The following CFAP251 variants were observed in gnomAD, a reference collection of about 807,000 sequenced individuals.
CFAP251 encodes cilia- and flagella-associated protein 251.
Under a neutral mutation model 126.7 loss-of-function variants are expected in CFAP251, and 93 were observed. The observed-to-expected ratio is 0.73, with a 90% CI of 0.62 to 0.87. CFAP251 has a LOEUF of 0.87. Ranked by LOEUF, CFAP251 falls within the 40% of genes least tolerant of loss-of-function variation. CFAP251 has a pLI of 0.00. For missense variants in CFAP251, 1,287 were observed against 1,389.2 expected (o/e 0.93, Z 1.17); for synonymous variants, 503 against 506.9 (o/e 0.99, Z 0.10).
intron 19 of CFAP251, among the ~76,000 whole-genome samples, chr12:121,978,022 T>C (rs906787963): frequency 6.6e-5 from 10 of 151,486 alleles, no homozygotes; most frequent in African/African-American, 1.9e-4. Flanking sequence ...AAAAAACTAA[T>C]TGATACCACA....
At chr12:121,932,640 A>C (rs1007199384) in intron 4 of CFAP251, 1 of 152,194 alleles carries the variant, frequency 6.6e-6, no homozygotes, top group South Asian at 2.1e-4. Flanking sequence ...TCACCCTTTC[A>C]GTTGACGTGT....
intron 17 of CFAP251, chr12:121,968,926 G>A (rs1015472708): frequency 2.0e-6 from 2 of 985,302 alleles, no homozygotes; most frequent in African/African-American, 3.5e-5. Context: ...TAATAAAGAG[G>A]GGACAAGCAC....
In CFAP251 at chr12:121,992,602, C is replaced by T. The variant is rs938526414; in HGVS notation, c.3007-7114C>T. The T allele has an allele frequency of 7.0e-6, 5 of 715,288 alleles. No homozygotes were observed. In the African/African-American group the frequency reaches 9.7e-5, roughly 14 times the overall value. 44.3% of individuals were successfully genotyped at this position (715,288 alleles called of 1,614,324 possible). On this transcript the variant is annotated intron_variant, in intron 19 of 21. Transcript: ENST00000288912. ...TTTTTCTTTTTCAGACAGGGTCTTA[C>T]TCCTCACTCCTGTTGCCCAGGCTGG...
At chr12:121,962,988 C>T (rs1038802671) in intron 15 of CFAP251, among the ~76,000 whole-genome samples, 1 of 152,134 alleles carries the variant, frequency 6.6e-6, no homozygotes, top group African/African-American at 2.4e-5. Context: ...TGGTGCCAGG[C>T]ACACGGCACC....
At chr12:121,938,976 G>A (rs1880999899) in intron 5 of CFAP251, among the ~76,000 whole-genome samples, 1 of 144,168 alleles carries the variant, frequency 6.9e-6, no homozygotes, top group African/African-American at 2.5e-5. Context: ...GACAGAGCGA[G>A]AATTCATCTA....
intron 16 of CFAP251, among the ~76,000 whole-genome samples, chr12:121,967,430 A>T (rs186301016): frequency 1.4e-3 from 218 of 152,294 alleles, no homozygotes; most frequent in African/African-American, 4.9e-3. Context: ...GGGCCAGGTG[A>T]GGTGGCTCAC....
At chr12:121,947,937 A>T (rs1161982801) in intron 7 of CFAP251, 1 of 152,220 alleles carries the variant, frequency 6.6e-6, no homozygotes, top group Non-Finnish European at 1.5e-5. Flanking sequence ...AATGATAGGT[A>T]AGGAATAGGC....
At chr12:121,986,876 A>C (rs924435773) in intron 19 of CFAP251, among the ~76,000 whole-genome samples, 1 of 152,024 alleles carries the variant, frequency 6.6e-6, no homozygotes, top group African/African-American at 2.4e-5. Flanking sequence ...AAATTTGGGG[A>C]GACCTCGGAC....
chr12:121,932,981 G>C (rs1880751284), intron 4 of CFAP251: 1 of 152,450 alleles, frequency 6.6e-6, no homozygotes, highest in African/African-American at 2.4e-5. Context: ...ACTAGGGCCA[G>C]AGGGCTGGGA....
intron 19 of CFAP251, among the ~76,000 whole-genome samples, chr12:121,979,815 A>G (rs1244972934): frequency 1.3e-5 from 2 of 151,970 alleles, no homozygotes; most frequent in Non-Finnish European, 2.9e-5. Flanking sequence ...ATCCACCTGC[A>G]TCAGCCTCTC....
rs940966324 is a variant in CFAP251 at position 121,974,454 on chromosome 12, T to C, written c.2772-790T>C. Among the ~76,000 whole-genome samples, 3 of 152,108 alleles carry C rather than the reference T, an allele frequency of 2.0e-5. No homozygotes were observed. Among genetic ancestry groups the C allele is most frequent in the African/African-American group, 7.2e-5 (3 of 41,398 alleles). ...GGACACTGATGCCAGGGGGGTTAAG[T>C]CACCTCCCCAGAATCACACAGCTTG... On this transcript the variant is annotated intron_variant, in intron 17 of 21. Coordinates refer to ENST00000288912, the MANE Select transcript of CFAP251 (RefSeq NM_144668.6). This position sits in a 1 kb window ranked among gnomAD's most constrained non-coding sequence, Gnocchi z 4.6.
intron 5 of CFAP251, among the ~76,000 whole-genome samples, chr12:121,939,123 G>A (rs186411316): frequency 9.6e-4 from 146 of 152,188 alleles, no homozygotes; most frequent in African/African-American, 3.3e-3. Context: ...TTGAACACAC[G>A]TATATGGATA....
Position 121,967,022 on chromosome 12 carries a change from A to G in CFAP251, c.2560A>G (p.Met854Val), listed in dbSNP as rs756624899. The change falls in exon 16 of 22, where the codon ATG (methionine) becomes GTG (valine). Residue 854 changes from methionine (M) to valine (V), a missense_variant. By Grantham distance (21) the Met-to-Val change is conservative. Transcript: ENST00000288912. The part of the protein sequence containing the change: ...EQTQVLPVRS[M>V]AELQKRYLVF... The stretch of plus-strand genomic sequence containing the variant: ...GACACAAGTCCTCCCAGTGAGAAGC[A>G]TGGCGGAGCTACAGAAACGCTACTT... 5.0e-6 allele frequency: 8 copies of G among 1,614,264 alleles called. No homozygotes were observed. In the South Asian group the frequency reaches 8.8e-5, roughly 18 times the overall value.
intron 9 of CFAP251, among the ~76,000 whole-genome samples, chr12:121,952,232 G>A (rs1216444222): frequency 9.4e-6 from 1 of 106,276 alleles, no homozygotes; most frequent in Non-Finnish European, 1.8e-5. Context: ...GCTAGACTTC[G>A]TTTCTACTAA....
At chr12:121,929,613 C>G (rs1592964474) in intron 3 of CFAP251, among the ~76,000 whole-genome samples, 2 of 151,940 alleles carry the variant, frequency 1.3e-5, no homozygotes, top group African/African-American at 4.8e-5. Flanking sequence ...TAGATTCATG[C>G]CCTGAAACCC....
At chr12:121,963,265 T>C (rs1227988698) in intron 15 of CFAP251, among the ~76,000 whole-genome samples, 2 of 151,596 alleles carry the variant, frequency 1.3e-5, no homozygotes, top group Non-Finnish European at 2.9e-5. Flanking sequence ...GAACAGGAGG[T>C]GTGAGAGAAG....
chr12:121,954,416 CT>C, intron 10 of CFAP251, 82 bp downstream of exon 10: 1 of 1,243,836 alleles, frequency 8.0e-7, no homozygotes, highest in Non-Finnish European at 1.1e-6. Context: ...GGCACAGTGG[CT>C]TACACCTCTA....
intron 7 of CFAP251, among the ~76,000 whole-genome samples, 162 bp downstream of exon 7, chr12:121,943,137 AC>A (rs1460150346): frequency 6.6e-6 from 1 of 152,042 alleles, no homozygotes; most frequent in African/African-American, 2.4e-5. Context: ...ACACAGTGAA[AC>A]CCTGTCTCTA....
chr12:121,937,596 A>G (rs779065538), intron 5 of CFAP251, among the ~76,000 whole-genome samples: 1 of 152,108 alleles, frequency 6.6e-6, no homozygotes, highest in Non-Finnish European at 1.5e-5. Flanking sequence ...GAGCAGTCAG[A>G]TTTCACTGAC....
Sources: allele counts gnomAD v4.1 joint callset (sites outside exome capture counted in the v4.1 genomes callset), GRCh38; gene constraint gnomAD v4.1.1; non-coding constraint Gnocchi (gnomAD v3.1); transcripts MANE v1.5; gene names NCBI Gene and HGNC (gene_info 2026-07-23, HGNC 2026-07-21).